The following MAP3K14 variants were observed in gnomAD, a reference collection of about 807,000 sequenced individuals.
The protein encoded by MAP3K14 is mitogen-activated protein kinase kinase kinase 14.
MAP3K14 carries 16 observed loss-of-function variants against 99.2 expected under a neutral mutation model. The ratio of observed to expected loss-of-function variants is 0.16; its 90% CI spans 0.11 to 0.24. MAP3K14 has a LOEUF of 0.24. Ranked by LOEUF, MAP3K14 falls within the 10% of genes least tolerant of loss-of-function variation. MAP3K14 has a pLI of 1.00. For synonymous variants in MAP3K14, 462 were observed against 492.4 expected, an observed-to-expected ratio of 0.94 and a Z score of 0.82; for missense variants, 784 against 1,208.7, an observed-to-expected ratio of 0.65 and a Z score of 5.21.
chr17:45,276,572 C>T (rs994425355), intron 6 of MAP3K14, among the ~76,000 whole-genome samples: 9 of 150,770 alleles, frequency 6.0e-5, no homozygotes, highest in Admixed American at 2.0e-4. Context: ...AGTGCAGTGG[C>T]GCAATCTCAG....
intron 6 of MAP3K14, 138 bp from the exon 7 acceptor site, chr17:45,274,731 T>G: frequency 9.6e-7 from 1 of 1,043,492 alleles, no homozygotes. Context: ...CTGGGGGGCC[T>G]GCTGGACCCT....
intron 1 of MAP3K14, among the ~76,000 whole-genome samples, chr17:45,303,927 A>G (rs2044410451): frequency 6.6e-6 from 1 of 151,982 alleles, no homozygotes; most frequent in African/African-American, 2.4e-5. Flanking sequence ...TACACATGTA[A>G]TGTCATACAA....
chr17:45,285,348 A>G (rs1459610063), intron 5 of MAP3K14, among the ~76,000 whole-genome samples: 2 of 151,922 alleles, frequency 1.3e-5, no homozygotes, highest in East Asian at 1.9e-4. Context: ...TGGAGGGGCC[A>G]GGCATGGTGG....
chr17:45,310,588 T>C (rs2044467487), intron 1 of MAP3K14, among the ~76,000 whole-genome samples: 1 of 152,154 alleles, frequency 6.6e-6, no homozygotes, highest in Admixed American at 6.5e-5. Context: ...GAAGAGCCTC[T>C]CACTGAGAGG....
At chr17:45,298,314 T>C (rs960761447) in intron 1 of MAP3K14, among the ~76,000 whole-genome samples, 2 of 151,764 alleles carry the variant, frequency 1.3e-5, no homozygotes, top group Non-Finnish European at 2.9e-5. Flanking sequence ...AAAAGGACAA[T>C]AAATATAAAA....
At position 45,297,987 on chromosome 17, in the gene MAP3K14, G is replaced by A. The variant is rs560978808; in HGVS notation, c.-20-7222C>T. Among the ~76,000 whole-genome samples the A allele has an allele frequency of 1.6e-3, 250 of 152,238 alleles. 1 individual carries two copies. The highest frequency in any genetic ancestry group is 5.7e-3 in the African/African-American group (236 of 41,556). On this transcript the variant is annotated intron_variant, in intron 1 of 15. Transcript: ENST00000344686. ...GCCTGCCTTGGCCTCCTAAAGTGCTGGGATTACAGGCATGAGCCACCATGT... is the reference window on the plus strand; with the variant it reads ...GCCTGCCTTGGCCTCCTAAAGTGCTAGGATTACAGGCATGAGCCACCATGT...
chr17:45,309,952 T>C lies in MAP3K14; in HGVS notation c.-21+7008A>G, dbSNP rs557610051. ...TTCCTGCCTCTCCAGGCACAGCATCTGCCAGTGGAGACTGTTGGGCAGGAC... is the reference window on the plus strand; with the variant it reads ...TTCCTGCCTCTCCAGGCACAGCATCCGCCAGTGGAGACTGTTGGGCAGGAC... On this transcript the variant is annotated intron_variant, in intron 1 of 15. Transcript: ENST00000344686. Among the ~76,000 whole-genome samples, 4 of 151,976 alleles carry C rather than the reference T, an allele frequency of 2.6e-5. No homozygotes were observed. The South Asian group carries it at 8.3e-4, about 32-fold the overall frequency.
chr17:45,271,790 G>GT (rs1198721075), intron 9 of MAP3K14, among the ~76,000 whole-genome samples: 1 of 152,180 alleles, frequency 6.6e-6, no homozygotes, highest in South Asian at 2.1e-4. Flanking sequence ...CCCTTAAAGT[G>GT]TTTTTTAAAA....
Position 45,286,807 on chromosome 17 carries a change from G to T in MAP3K14, c.776C>A (p.Pro259His), listed in dbSNP as rs763116163. Reference sequence around the variant, plus strand: ...GAAGGGATGAGGCAGTCTGCTATAGGGGAAGGGGTGCGTGGGCAGGGGCAG... The same window carrying T: ...GAAGGGATGAGGCAGTCTGCTATAGTGGAAGGGGTGCGTGGGCAGGGGCAG... ...GPLPLPTHPF[P>H]YSRLPHPFPF... is the part of the protein sequence containing the mutation. Residue 259 changes from proline to histidine, a missense_variant, in exon 5 of 16, where the codon CCC becomes CAC. By Grantham distance (77) the Pro-to-His change is moderately conservative. Around this residue, in one of 5 missense-constraint regions of MAP3K14, gnomAD observed 138 missense variants for 164.1 expected, o/e 0.84. Coordinates refer to ENST00000344686, the MANE Select transcript of MAP3K14 (RefSeq NM_003954.5). The surrounding 1 kb of genome is among the most constrained non-coding windows in gnomAD (Gnocchi z 4.1). The T allele has an allele frequency of 6.2e-7, 1 of 1,613,376 alleles. No individual in the cohort carries two copies. Among genetic ancestry groups the T allele is most frequent in the Non-Finnish European group, 8.5e-7 (1 of 1,179,614 alleles).
intron 1 of MAP3K14, among the ~76,000 whole-genome samples, chr17:45,305,962 C>T (rs371116096): frequency 5.9e-5 from 9 of 152,322 alleles, no homozygotes; most frequent in African/African-American, 1.9e-4. Flanking sequence ...CCCACAATTC[C>T]TTGGCAGCTA....
chr17:45,309,270 C>T (rs1395685717), intron 1 of MAP3K14, among the ~76,000 whole-genome samples: 1 of 152,230 alleles, frequency 6.6e-6, no homozygotes, highest in African/African-American at 2.4e-5. Flanking sequence ...CAAGGTGTTC[C>T]CACCCAGGCA....
intron 1 of MAP3K14, among the ~76,000 whole-genome samples, chr17:45,304,404 A>G (rs2044415965): frequency 6.6e-6 from 1 of 152,208 alleles, no homozygotes; most frequent in Admixed American, 6.5e-5. Context: ...CTTATACGTA[A>G]TAATGGAAAA....
At position 45,266,647 on chromosome 17, in the gene MAP3K14, G is replaced by A. The variant is rs560799752; in HGVS notation, c.2468C>T (p.Thr823Ile). 6.2e-7 allele frequency: 1 copy of A among 1,613,070 alleles called. No individual in the cohort carries two copies. The highest frequency in any genetic ancestry group is 2.2e-5 in the East Asian group (1 of 44,844). The stretch of plus-strand genomic sequence containing the variant: ...CCAGGAGTGTACGCCTGAGCTCAGG[G>A]TGTCCCGCGAGCTTTGAGAGGCCTT... ...PSKASQSSRD[T>I]LSSGVHSWSS... is the part of the protein sequence containing the mutation. Residue 823 changes from threonine (T) to isoleucine (I), a missense_variant, in exon 14 of 16, where the codon ACC (threonine) becomes ATC (isoleucine). Transcript: ENST00000344686.
intron 3 of MAP3K14, 138 bp downstream of exon 3, chr17:45,289,098 G>A: frequency 1.5e-6 from 1 of 661,064 alleles, no homozygotes; most frequent in Non-Finnish European, 2.6e-6. Context: ...AGGAAAGCCT[G>A]GGTGAGTTCC....
rs1260542213 is a variant in MAP3K14 at position 45,287,033 on chromosome 17, G to C, written c.550C>G (p.Pro184Ala). The C allele has an allele frequency of 6.2e-7, 1 of 1,611,670 alleles. No homozygotes were observed. Among genetic ancestry groups the C allele is most frequent in the Non-Finnish European group, 8.5e-7 (1 of 1,178,152 alleles). The change falls in exon 5 of 16, where the codon CCA becomes GCA. Residue 184 changes from proline (P) to alanine (A), a missense_variant. Coordinates refer to ENST00000344686, the MANE Select transcript of MAP3K14 (RefSeq NM_003954.5). ...TTTCTAACATATGGGGCGCCGAGTG[G>C]AGACTCATCCTCCTGCGGGGGGAAA... ...CTIPVQEDESPLGAPYVRNTP... is the reference protein window; with the variant it reads ...CTIPVQEDESALGAPYVRNTP...
chr17:45,264,896 C>A, intron 15 of MAP3K14, 96 bp from the exon 16 acceptor site: 2 of 1,296,054 alleles, frequency 1.5e-6, no homozygotes, highest in East Asian at 2.5e-5. Context: ...ACCGGCAGCC[C>A]TAAGGGCACT....
At chr17:45,314,577 T>C in intron 1 of MAP3K14, among the ~76,000 whole-genome samples, 1 of 150,726 alleles carries the variant, frequency 6.6e-6, no homozygotes, top group East Asian at 1.9e-4. Flanking sequence ...GACTTATTAA[T>C]CACGAAAGCA....
chr17:45,269,424 G>C (rs2044125043), intron 11 of MAP3K14, among the ~76,000 whole-genome samples: 1 of 152,148 alleles, frequency 6.6e-6, no homozygotes, highest in Admixed American at 6.5e-5. Flanking sequence ...TTCTGGCACA[G>C]AACTCCTAAA....
In MAP3K14 at chr17:45,273,534, T is replaced by G. The variant is rs768374848; in HGVS notation, c.1626A>C (p.Gln542His). Residue 542 changes from glutamine to histidine, a missense_variant, in exon 9 of 16, where the codon CAA becomes CAC. Transcript: ENST00000344686. Reference sequence around the variant, plus strand: ...GCAAGGACTTTCCCAGGCCATCAGGTTGAAGACACACAGCATGGCCAAAGT... The same window carrying G: ...GCAAGGACTTTCCCAGGCCATCAGGGTGAAGACACACAGCATGGCCAAAGT... ...LCDFGHAVCL[Q>H]PDGLGKSLLT... is the part of the protein sequence containing the mutation. 2 of 1,613,162 alleles carry G rather than the reference T, an allele frequency of 1.2e-6. No individual in the cohort carries two copies. Among genetic ancestry groups the G allele is most frequent in the Non-Finnish European group, 1.7e-6 (2 of 1,179,516 alleles).
Sources: allele counts gnomAD v4.1 joint callset (sites outside exome capture counted in the v4.1 genomes callset), GRCh38; gene constraint gnomAD v4.1.1; regional missense constraint gnomAD v4.1.1; non-coding constraint Gnocchi (gnomAD v3.1); transcripts MANE v1.5; gene names NCBI Gene and HGNC (gene_info 2026-07-23, HGNC 2026-07-21).